The following SLC44A5 variants were observed in gnomAD, a reference collection of about 807,000 sequenced individuals.
SLC44A5 encodes the protein solute carrier family 44 member 5.
A neutral mutation model predicts 101.8 loss-of-function variants in SLC44A5; 57 were observed. The ratio of observed to expected loss-of-function variants is 0.56; its 90% confidence interval spans 0.45 to 0.70. The LOEUF (loss-of-function observed/expected upper bound fraction) is 0.70, where lower values mean the gene tolerates loss of function less well. Among genes scored for constraint, SLC44A5 ranks in the 30% least tolerant of loss-of-function variants. The probability of loss-of-function intolerance (pLI) is 0.00; values close to 1 mark genes in which losing one functional copy is unlikely to be tolerated. For missense variants in SLC44A5, 737 were observed against 853.1 expected, an observed-to-expected ratio of 0.86 and a Z score of 1.70; for synonymous variants, 281 against 290.9, an observed-to-expected ratio of 0.97 and a Z score of 0.35.
At chr1:75,403,745 C>A (rs144525934) in intron 2 of SLC44A5, among the ~76,000 whole-genome samples, 1,902 of 152,232 alleles carry the variant, frequency 0.012, 30 homozygotes, top group Non-Finnish European at 0.016. Flanking sequence ...TGAGGAAAAA[C>A]CAGCACAAAA....
chr1:75,652,026 G>A, the SLC44A5 span, among the ~76,000 whole-genome samples: 1 of 152,268 alleles, frequency 6.6e-6, no homozygotes, highest in South Asian at 2.1e-4. Context: ...GGGGGCTCAA[G>A]CATGCTTATT....
the SLC44A5 span, chr1:75,641,334 T>C: frequency 1.4e-6 from 1 of 707,168 alleles, no homozygotes; most frequent in African/African-American, 1.8e-5. Flanking sequence ...GTGCAAAACA[T>C]GAGGAATCTC....
At chr1:75,693,233 A>G in the SLC44A5 span, among the ~76,000 whole-genome samples, 5 of 152,224 alleles carry the variant, frequency 3.3e-5, no homozygotes, top group Admixed American at 2.6e-4. Flanking sequence ...GAATTCATTC[A>G]GTTCTAGGGA....
intron 3 of SLC44A5, among the ~76,000 whole-genome samples, chr1:75,351,868 A>AAAAAAAGAGAG (rs1553165361): frequency 6.8e-5 from 4 of 58,534 alleles, no homozygotes; most frequent in Non-Finnish European, 1.1e-4. Flanking sequence ...AAAAAAAAAA[A>AAAAAAAGAGAG]AGAGAGAGAG....
chr1:75,297,156 A>G (rs1654028205), intron 5 of SLC44A5, among the ~76,000 whole-genome samples: 1 of 152,360 alleles, frequency 6.6e-6, no homozygotes, highest in Admixed American at 6.5e-5. Context: ...ACCCCTGGGA[A>G]AGGTTAAAAA....
the SLC44A5 span, among the ~76,000 whole-genome samples, chr1:75,722,452 G>C: frequency 6.6e-6 from 1 of 152,224 alleles, no homozygotes; most frequent in Non-Finnish European, 1.5e-5. Context: ...CATAAATGCA[G>C]AACGTTGGCG....
chr1:75,410,928 T>G (rs1182825961), intron 2 of SLC44A5, among the ~76,000 whole-genome samples: 2 of 152,200 alleles, frequency 1.3e-5, no homozygotes, highest in Middle Eastern at 6.8e-3. Context: ...CCTTGAATAG[T>G]TTGCAGTCCA....
At position 75,384,753 on chromosome 1, in the gene SLC44A5, C is replaced by T. The variant is rs1661177757; in HGVS notation, c.52+11830G>A. Among the ~76,000 whole-genome samples the T allele has an allele frequency of 2.2e-5, 3 of 138,722 alleles. No individual in the cohort carries two copies. In the South Asian group the frequency reaches 7.6e-4, roughly 35 times the overall value. The allele number at this position is 138,722 out of a possible 152,430, so 91.0% of individuals were successfully genotyped here. A position where few individuals can be genotyped will look rare whatever the true frequency, so the allele number is the denominator to read the frequency against. The stretch of plus-strand genomic sequence containing the variant: ...CTCCACCCCAAATCAACAGAATATA[C>T]ATTTTTTTCAGCACCACACCACACC... On this transcript the variant is annotated intron_variant, in intron 3 of 23. Transcript: ENST00000370859.
At chr1:75,346,345 A>G (rs1468087475) in intron 3 of SLC44A5, among the ~76,000 whole-genome samples, 2 of 152,164 alleles carry the variant, frequency 1.3e-5, no homozygotes, top group African/African-American at 4.8e-5. Context: ...TTGCATCATC[A>G]TTTGAAATAA....
chr1:75,482,380 C>T (rs1455461077), intron 2 of SLC44A5, among the ~76,000 whole-genome samples: 2 of 151,916 alleles, frequency 1.3e-5, no homozygotes, highest in African/African-American at 4.8e-5. Context: ...TGCAACTAAC[C>T]TGCACATTGT....
chr1:75,665,716 C>A, the SLC44A5 span, among the ~76,000 whole-genome samples: 6 of 152,064 alleles, frequency 3.9e-5, no homozygotes, highest in Admixed American at 2.6e-4. Flanking sequence ...ACTACTCATC[C>A]TAGAACTATG....
chr1:75,483,421 T>G (rs1018819794), intron 2 of SLC44A5, among the ~76,000 whole-genome samples: 1 of 152,114 alleles, frequency 6.6e-6, no homozygotes, highest in African/African-American at 2.4e-5. Flanking sequence ...TATTAAAAAG[T>G]CCTCATTATT....
chr1:75,364,574 G>T (rs1357589346), intron 3 of SLC44A5, among the ~76,000 whole-genome samples: 3 of 152,096 alleles, frequency 2.0e-5, no homozygotes, highest in African/African-American at 4.8e-5. Context: ...GATTTTGGTG[G>T]GAACACAGAT....
the SLC44A5 span, among the ~76,000 whole-genome samples, chr1:75,681,431 T>C: frequency 6.6e-6 from 1 of 151,636 alleles, no homozygotes; most frequent in South Asian, 2.1e-4. Flanking sequence ...GCTTCATCCC[T>C]GGGATGCAAG....
chr1:75,416,176 G>T (rs1029977739), intron 2 of SLC44A5, among the ~76,000 whole-genome samples: 6 of 152,158 alleles, frequency 3.9e-5, no homozygotes, highest in African/African-American at 1.4e-4. Flanking sequence ...TGAAAAAGTT[G>T]TTTCATGGGC....
At chr1:75,330,126 C>CAT in intron 4 of SLC44A5, among the ~76,000 whole-genome samples, 1 of 118,048 alleles carries the variant, frequency 8.5e-6, no homozygotes, top group African/African-American at 2.9e-5. Flanking sequence ...CACACACACA[C>CAT]ACACACACAC....
At position 75,312,673 on chromosome 1, in the gene SLC44A5, A is replaced by G. The variant is rs112287421; in HGVS notation, c.102-11988T>C. 9.8e-3 allele frequency among the ~76,000 whole-genome samples: 1,478 copies of G among 150,132 alleles called. 24 individuals are homozygous for G. The highest frequency in any genetic ancestry group is 0.047 in the South Asian group (225 of 4,794). Reference sequence around the variant, plus strand: ...CTATTCTATTATATATTAATATATAATAATATGTATAATCTATTCATTATT... The same window carrying G: ...CTATTCTATTATATATTAATATATAGTAATATGTATAATCTATTCATTATT... On this transcript the variant is annotated intron_variant, in intron 4 of 23. Transcript: ENST00000370859.
chr1:75,294,669 T>A (rs56937934), intron 5 of SLC44A5, among the ~76,000 whole-genome samples: 2,751 of 152,204 alleles, frequency 0.018, 81 homozygotes, highest in African/African-American at 0.056. Flanking sequence ...CATACACATA[T>A]ACACACAAAA....
At chr1:75,318,411 GAA>G (rs1655876201) in intron 4 of SLC44A5, among the ~76,000 whole-genome samples, 1 of 149,162 alleles carries the variant, frequency 6.7e-6, no homozygotes, top group South Asian at 2.1e-4. Context: ...AAGAAAGAAA[GAA>G]AGAAAGAAAG....
Sources: allele counts gnomAD v4.1 joint callset (sites outside exome capture counted in the v4.1 genomes callset), GRCh38; gene constraint gnomAD v4.1.1; transcripts MANE v1.5; gene names NCBI Gene and HGNC (gene_info 2026-07-23, HGNC 2026-07-21).